Variants in ME3 observed in about 807,000 individuals in gnomAD.
ME3 encodes NADP-dependent malic enzyme, mitochondrial.
Under a neutral mutation model 68.9 loss-of-function variants are expected in ME3, and 48 were observed. The ratio of observed to expected loss-of-function variants is 0.70; its 90% confidence interval spans 0.55 to 0.89. The LOEUF (loss-of-function observed/expected upper bound fraction) is 0.89. ME3 is among the 40% of genes least tolerant of loss of function. The pLI, the probability that ME3 is intolerant of heterozygous loss-of-function variation, is 0.00. For synonymous variants in ME3, 320 were observed against 318.8 expected, an observed-to-expected ratio of 1.00 and a Z score of -0.04; for missense variants, 675 against 797.4, an observed-to-expected ratio of 0.85 and a Z score of 1.85.
At chr11:86,663,906 A>G (rs988927468) in intron 2 of ME3, among the ~76,000 whole-genome samples, 3 of 152,198 alleles carry the variant, frequency 2.0e-5, no homozygotes, top group Admixed American at 1.3e-4. Flanking sequence ...GGCAAAACAC[A>G]TATTTCTGTA....
chr11:86,524,313 G>A (rs1954564185), intron 4 of ME3, among the ~76,000 whole-genome samples: 1 of 152,222 alleles, frequency 6.6e-6, no homozygotes, highest in South Asian at 2.1e-4. Flanking sequence ...CAGAGGCGCA[G>A]CCAATGAGTC....
chr11:86,534,478 C>T (rs1955507211), intron 4 of ME3, among the ~76,000 whole-genome samples: 1 of 152,052 alleles, frequency 6.6e-6, no homozygotes, highest in African/African-American at 2.4e-5. Context: ...CATTCGAGAC[C>T]AGCCTGGCCA....
chr11:86,493,924 C>T (rs1952150278), intron 6 of ME3, among the ~76,000 whole-genome samples: 1 of 152,084 alleles, frequency 6.6e-6, no homozygotes, highest in Admixed American at 6.5e-5. Flanking sequence ...TGACAGCATC[C>T]TCCCTGCACG....
At chr11:86,577,527 A>G (rs1204540736) in intron 2 of ME3, among the ~76,000 whole-genome samples, 1 of 152,182 alleles carries the variant, frequency 6.6e-6, no homozygotes, top group Non-Finnish European at 1.5e-5. Flanking sequence ...TTCCTCACAC[A>G]GCTCCTAAAA....
chr11:86,660,918 G>A (rs1278145426), intron 2 of ME3, among the ~76,000 whole-genome samples: 1 of 151,698 alleles, frequency 6.6e-6, no homozygotes, highest in African/African-American at 2.4e-5. Flanking sequence ...AGTCCCCATG[G>A]AGTGATCTAA....
chr11:86,497,866 A>G (rs764158526), intron 6 of ME3, 97 bp downstream of exon 6: 4 of 1,332,852 alleles, frequency 3.0e-6, no homozygotes, highest in East Asian at 2.5e-5. Context: ...GAAATGGCCC[A>G]TTGCTGTGTA....
At chr11:86,456,968 A>G (rs1454053463) in intron 8 of ME3, among the ~76,000 whole-genome samples, 1 of 152,226 alleles carries the variant, frequency 6.6e-6, no homozygotes, top group Non-Finnish European at 1.5e-5. Flanking sequence ...TAATCAGGAC[A>G]GAACTTCTGA....
intron 4 of ME3, among the ~76,000 whole-genome samples, chr11:86,550,134 C>T (rs1956592346): frequency 6.6e-6 from 1 of 152,188 alleles, no homozygotes; most frequent in Non-Finnish European, 1.5e-5. Flanking sequence ...TACAGCTCTC[C>T]AGACACGTTT....
chr11:86,555,442 G>A (rs1956879555), intron 4 of ME3, among the ~76,000 whole-genome samples: 1 of 152,168 alleles, frequency 6.6e-6, no homozygotes, highest in Admixed American at 6.5e-5. Flanking sequence ...CCTTCCTGTT[G>A]CAAGAAGCAT....
rs1565893904 is a variant in ME3, at chr11:86,521,417, ACAAAAC to A, written c.468-12556_468-12551del. Among the ~76,000 whole-genome samples, 138 of 123,026 alleles carry A rather than the reference ACAAAAC, an allele frequency of 1.1e-3. 3 individuals are homozygous for A. The highest frequency in any genetic ancestry group is 3.1e-3 in the African/African-American group (99 of 31,534). The allele number at this position is 123,026 out of a possible 152,430, so 80.7% of individuals were successfully genotyped here. ...CTCAAAAACAAACAAACAAAACAAAACAAAACAAAACAAAAATAATAATAATAATAA... is the reference window on the plus strand; with the variant it reads ...CTCAAAAACAAACAAACAAAACAAAAAAAACAAAAATAATAATAATAATAA... On this transcript the variant is annotated intron_variant, in intron 4 of 14. Transcript: ENST00000543262.
At chr11:86,455,093 T>C (rs999010313) in intron 8 of ME3, among the ~76,000 whole-genome samples, 4 of 152,224 alleles carry the variant, frequency 2.6e-5, no homozygotes, top group Non-Finnish European at 5.9e-5. Flanking sequence ...GAGGGAGTGC[T>C]GAACTGTTGG....
At chr11:86,567,276 A>AAGGAAGGG (rs1565150223) in intron 2 of ME3, among the ~76,000 whole-genome samples, 1 of 148,840 alleles carries the variant, frequency 6.7e-6, no homozygotes, top group African/African-American at 2.5e-5. Flanking sequence ...GGAAGGAAGG[A>AAGGAAGGG]AGGGAGGAAA....
intron 2 of ME3, among the ~76,000 whole-genome samples, chr11:86,614,666 C>G (rs1360013528): frequency 6.6e-6 from 1 of 152,176 alleles, no homozygotes; most frequent in African/African-American, 2.4e-5. Flanking sequence ...AACCAGGTGC[C>G]TATGGATTTT....
intron 8 of ME3, among the ~76,000 whole-genome samples, chr11:86,456,366 T>C (rs144010994): frequency 6.6e-6 from 1 of 152,230 alleles, no homozygotes; most frequent in African/African-American, 2.4e-5. Flanking sequence ...GTGTCAACCG[T>C]CTTCTGGGGT....
chr11:86,447,886 AAGAG>A (rs138161389), intron 11 of ME3, among the ~76,000 whole-genome samples: 28,830 of 149,534 alleles, frequency 0.19, 3,523 homozygotes, highest in Non-Finnish European at 0.27. Context: ...GACAGAGAGA[AAGAG>A]AGAGAGAGAC....
At chr11:86,459,717 G>C (rs978483168) in intron 8 of ME3, among the ~76,000 whole-genome samples, 2 of 152,186 alleles carry the variant, frequency 1.3e-5, no homozygotes, top group African/African-American at 4.8e-5. Flanking sequence ...CACAAAGCAG[G>C]AAAATGGGGA....
At chr11:86,659,521 A>G (rs1946138079) in intron 2 of ME3, among the ~76,000 whole-genome samples, 1 of 152,230 alleles carries the variant, frequency 6.6e-6, no homozygotes, top group African/African-American at 2.4e-5. Flanking sequence ...GCTAGTCAAG[A>G]TGACCTCTTT....
intron 2 of ME3, among the ~76,000 whole-genome samples, chr11:86,669,936 G>A (rs914822771): frequency 2.0e-5 from 3 of 152,164 alleles, no homozygotes; most frequent in African/African-American, 7.2e-5. Flanking sequence ...AGCCTGTAGT[G>A]GGAATTTATT....
In ME3 at chr11:86,521,333, T is replaced by G. The variant is rs190908075; in HGVS notation, c.468-12466A>C. Among the ~76,000 whole-genome samples the G allele has an allele frequency of 6.8e-3, 1,026 of 151,612 alleles. 13 individuals carry two copies. Among genetic ancestry groups the G allele is most frequent in the African/African-American group, 0.024 (989 of 41,244 alleles). ...TGGCGTGAACCCAGGAGGCGGAGCT[T>G]GCAGTGAGCCGAGACTGCGCCACTG... is the stretch of plus-strand genomic sequence containing the variant. On this transcript the variant is annotated intron_variant, in intron 4 of 14. Transcript: ENST00000543262.
Sources: allele counts gnomAD v4.1 joint callset (sites outside exome capture counted in the v4.1 genomes callset), GRCh38; gene constraint gnomAD v4.1.1; transcripts MANE v1.5; gene names NCBI Gene and HGNC (gene_info 2026-07-23, HGNC 2026-07-21).